FILIP1L: variants seen among roughly 807,000 people sequenced by gnomAD.
FILIP1L encodes filamin A-interacting protein 1-like.
FILIP1L carries 55 observed loss-of-function variants against 96.6 expected under a neutral mutation model. That is an observed-to-expected ratio of 0.57 (90% CI 0.46 to 0.71). FILIP1L has a LOEUF of 0.71. FILIP1L is among the 30% of genes least tolerant of loss of function. FILIP1L has a pLI of 0.00. For missense variants in FILIP1L, 1,304 were observed against 1,321.2 expected (o/e 0.99, Z 0.20); for synonymous variants, 467 against 473.9 (o/e 0.99, Z 0.19).
At chr3:99,959,360 G>A (rs2107700495) in intron 1 of FILIP1L, among the ~76,000 whole-genome samples, 1 of 152,318 alleles carries the variant, frequency 6.6e-6, no homozygotes, top group Middle Eastern at 3.4e-3. Flanking sequence ...ATGCTGGCCA[G>A]GCTGGTCTCG....
intron 1 of FILIP1L, among the ~76,000 whole-genome samples, chr3:100,110,637 G>A (rs959796583): frequency 1.3e-5 from 2 of 152,176 alleles, no homozygotes; most frequent in Admixed American, 6.6e-5. Context: ...GACAATACTA[G>A]CTATGTGGCT....
intron 1 of FILIP1L, among the ~76,000 whole-genome samples, chr3:100,011,453 G>T (rs1333081188): frequency 2.0e-5 from 3 of 152,104 alleles, no homozygotes; most frequent in Non-Finnish European, 4.4e-5. Flanking sequence ...GGACTAGTTA[G>T]ATGCCATCTT....
chr3:99,890,604 T>G (rs906629690), intron 4 of FILIP1L, among the ~76,000 whole-genome samples: 1 of 152,164 alleles, frequency 6.6e-6, no homozygotes, highest in African/African-American at 2.4e-5. Context: ...TCTTCCAGTT[T>G]ACTAATTCTC....
chr3:100,004,222 G>A (rs1250231197), intron 1 of FILIP1L, among the ~76,000 whole-genome samples: 1 of 152,132 alleles, frequency 6.6e-6, no homozygotes, highest in Non-Finnish European at 1.5e-5. Context: ...CAAGTAAAAT[G>A]CAGCTTCCGT....
chr3:99,850,995 G>A lies in FILIP1L; in HGVS notation c.681C>T (p.Thr227=). 6.2e-7 allele frequency: 1 copy of A among 1,613,728 alleles called. No individual in the cohort carries two copies. The change falls in exon 5 of 6, where the codon ACC becomes ACT. Residue 227 remains threonine (T), a synonymous_variant. Transcript: ENST00000477258. The part of the protein sequence containing the change: ...KEQEKEKRVT[T]LKEELTKLKS... ...TCAGCTTGGTCAGCTCCTCTTTCAG[G>A]GTGGTGACCCTTTTCTCCTTTTCTT... is the stretch of plus-strand genomic sequence containing the variant.
chr3:99,952,062 G>A (rs1028147040), intron 1 of FILIP1L, among the ~76,000 whole-genome samples: 3 of 152,098 alleles, frequency 2.0e-5, no homozygotes, highest in Admixed American at 2.0e-4. Flanking sequence ...CTGCACATGT[G>A]ACCTAGGGCC....
At chr3:99,935,207 A>G (rs532518481) in intron 1 of FILIP1L, among the ~76,000 whole-genome samples, 23 of 152,024 alleles carry the variant, frequency 1.5e-4, no homozygotes, top group Non-Finnish European at 3.2e-4. Flanking sequence ...CCAGGGGTGC[A>G]TACTAGGGTA....
intron 1 of FILIP1L, among the ~76,000 whole-genome samples, chr3:100,075,197 C>G (rs1206483262): frequency 6.6e-6 from 1 of 152,168 alleles, no homozygotes; most frequent in Non-Finnish European, 1.5e-5. Context: ...ACCTGAAACA[C>G]TTCCTGGTCA....
intron 1 of FILIP1L, among the ~76,000 whole-genome samples, chr3:100,095,611 A>G (rs1393193321): frequency 6.6e-6 from 1 of 152,132 alleles, no homozygotes; most frequent in Non-Finnish European, 1.5e-5. Context: ...CTAATACAAA[A>G]ATTAAACCAA....
intron 1 of FILIP1L, among the ~76,000 whole-genome samples, chr3:99,980,816 TG>T (rs1709099550): frequency 6.6e-6 from 1 of 152,150 alleles, no homozygotes; most frequent in Admixed American, 6.5e-5. Context: ...GTGAGTGACA[TG>T]TTCTAGCTAT....
intron 4 of FILIP1L, among the ~76,000 whole-genome samples, chr3:99,906,635 T>A (rs1706627173): frequency 6.6e-6 from 1 of 152,242 alleles, no homozygotes; most frequent in Non-Finnish European, 1.5e-5. Context: ...ACAGAAAGGT[T>A]AAGTGGTTTG....
intron 1 of FILIP1L, among the ~76,000 whole-genome samples, chr3:99,998,655 C>T (rs1232889786): frequency 1.3e-5 from 2 of 152,098 alleles, no homozygotes; most frequent in African/African-American, 4.8e-5. Flanking sequence ...CTCCGCCTCC[C>T]GGGTTCACGC....
At chr3:99,846,596 C>T (rs1943374269) in intron 5 of FILIP1L, among the ~76,000 whole-genome samples, 1 of 152,204 alleles carries the variant, frequency 6.6e-6, no homozygotes, top group African/African-American at 2.4e-5. Context: ...GAAGCTTTCT[C>T]ATTCATCAGC....
At chr3:100,082,242 T>C (rs2065944099) in intron 1 of FILIP1L, among the ~76,000 whole-genome samples, 1 of 152,224 alleles carries the variant, frequency 6.6e-6, no homozygotes, top group Non-Finnish European at 1.5e-5. Context: ...ATTCATAGAA[T>C]AGAATCTGTT....
chr3:99,949,488 C>T (rs962851812), intron 1 of FILIP1L, among the ~76,000 whole-genome samples: 5 of 152,166 alleles, frequency 3.3e-5, no homozygotes, highest in Admixed American at 6.5e-5. Flanking sequence ...CACGTATAGT[C>T]CCACCTTTCA....
intron 4 of FILIP1L, among the ~76,000 whole-genome samples, chr3:99,875,871 TC>T (rs1247521245): frequency 2.6e-5 from 4 of 152,222 alleles, no homozygotes; most frequent in African/African-American, 9.6e-5. Context: ...TAATCTGTTT[TC>T]TCCTCCAGAG....
In FILIP1L at chr3:100,062,093, C is replaced by CTTTTTT. The variant is rs71907944; in HGVS notation, c.-11+51954_-11+51959dup. Among the ~76,000 whole-genome samples, 54 of 53,174 alleles carry CTTTTTT rather than the reference C, an allele frequency of 1.0e-3. 17 individuals carry two copies. Among genetic ancestry groups the CTTTTTT allele is most frequent in the African/African-American group, 3.4e-3 (38 of 11,236 alleles). 34.9% of individuals were successfully genotyped at this position (53,174 alleles called of 152,430 possible). ...CCACTTGTGGTTATCCTGTCTTCTT[C>CTTTTTT]TTTTTTTTTTTTTTTTTTTTTTTTT... On this transcript the variant is annotated intron_variant, in intron 1 of 5. Transcript: ENST00000477258.
At chr3:100,052,397 G>C (rs1273879030) in intron 1 of FILIP1L, among the ~76,000 whole-genome samples, 1 of 152,178 alleles carries the variant, frequency 6.6e-6, no homozygotes, top group Non-Finnish European at 1.5e-5. Flanking sequence ...AGGTCTGAGG[G>C]GTAGTAGTGG....
intron 1 of FILIP1L, among the ~76,000 whole-genome samples, chr3:100,000,371 C>T (rs1388449184): frequency 6.6e-6 from 1 of 152,144 alleles, no homozygotes; most frequent in Non-Finnish European, 1.5e-5. Context: ...TCCATCCCTC[C>T]TACTAAATGA....
Sources: gnomAD v4.1 joint callset for allele counts (sites outside exome capture counted in the v4.1 genomes callset) on GRCh38, gnomAD v4.1.1 for gene constraint, MANE v1.5 for transcripts, NCBI Gene and HGNC (gene_info 2026-07-23, HGNC 2026-07-21) for gene names.